TENM2: variants seen among roughly 807,000 people sequenced by gnomAD.
The protein encoded by TENM2 is teneurin transmembrane protein 2.
Under a neutral mutation model 245.2 loss-of-function variants are expected in TENM2, and 52 were observed. The observed-to-expected ratio is 0.21, with a 90% CI of 0.17 to 0.27. The LOEUF (loss-of-function observed/expected upper bound fraction) is 0.27, where lower values mean the gene tolerates loss of function less well. Ranked by LOEUF, TENM2 falls within the 10% of genes least tolerant of loss-of-function variation. The pLI, the probability that TENM2 is intolerant of heterozygous loss-of-function variation, is 1.00. For missense variants in TENM2, 3,046 were observed against 3,666.8 expected (o/e 0.83, Z 4.37); for synonymous variants, 1,363 against 1,438.9 (o/e 0.95, Z 1.19).
At chr5:167,695,845 T>C (rs1166716375) in intron 2 of TENM2, among the ~76,000 whole-genome samples, 2 of 151,568 alleles carry the variant, frequency 1.3e-5, no homozygotes, top group South Asian at 2.1e-4. Flanking sequence ...CCATCCTGGC[T>C]AACATGATGA....
At chr5:167,752,188 G>A (rs933547649) in intron 2 of TENM2, among the ~76,000 whole-genome samples, 11 of 151,654 alleles carry the variant, frequency 7.3e-5, no homozygotes, top group African/African-American at 2.7e-4. Flanking sequence ...TCCACCTCCT[G>A]GGTTCAAGCA....
intron 23 of TENM2, among the ~76,000 whole-genome samples, chr5:168,225,791 G>T (rs1037854826): frequency 1.3e-5 from 2 of 150,178 alleles, no homozygotes; most frequent in Non-Finnish European, 3.0e-5. Flanking sequence ...AAAAGAAACA[G>T]AAAAGTAAGA....
At chr5:168,254,908 A>G (rs1767508548) in intron 27 of TENM2, among the ~76,000 whole-genome samples, 1 of 152,026 alleles carries the variant, frequency 6.6e-6, no homozygotes, top group African/African-American at 2.4e-5. Context: ...TTAGCGGGGC[A>G]TGGTGGTGCG....
chr5:167,442,382 G>C (rs1318998489), intron 2 of TENM2, among the ~76,000 whole-genome samples: 1 of 152,040 alleles, frequency 6.6e-6, no homozygotes, highest in African/African-American at 2.4e-5. Flanking sequence ...GTGTGTGAGT[G>C]GGCTCTCTAA....
intron 2 of TENM2, among the ~76,000 whole-genome samples, chr5:167,870,411 T>C (rs952799296): frequency 3.3e-5 from 5 of 151,964 alleles, no homozygotes; most frequent in African/African-American, 1.2e-4. Flanking sequence ...ATGACTTGGG[T>C]TCAAATCCCA....
the TENM2 span, among the ~76,000 whole-genome samples, chr5:167,212,255 C>T: frequency 0.2 from 30,880 of 152,002 alleles, 3,687 homozygotes; most frequent in African/African-American, 0.33. Flanking sequence ...CAGCCGCCAC[C>T]CCAGGTGAAA....
At position 168,244,776 on chromosome 5, in the gene TENM2, C is replaced by CTT. The variant is rs139210116; in HGVS notation, c.5817+70_5817+71dup. The CTT allele has an allele frequency of 1.8e-4, 191 of 1,080,262 alleles. No individual in the cohort carries two copies. The highest frequency in any genetic ancestry group is 4.4e-4 in the African/African-American group (27 of 61,490). The allele number at this position is 1,080,262 out of a possible 1,614,324, so 66.9% of individuals were successfully genotyped here. On this transcript the variant is annotated intron_variant, in intron 26 of 28. Transcript: ENST00000518659. This position sits in a 1 kb window ranked among gnomAD's most constrained non-coding sequence, Gnocchi z 4.9. ...TCTGTTATTTCTGTTATTCCGGCTT[C>CTT]TTTTTTTTTTTGAGACAGAGACTTG...
At chr5:167,902,033 T>C (rs1775746245) in intron 3 of TENM2, among the ~76,000 whole-genome samples, 1 of 152,182 alleles carries the variant, frequency 6.6e-6, no homozygotes, top group African/African-American at 2.4e-5. Context: ...CTTTGCACAT[T>C]TTATGCAGGC....
At chr5:167,596,532 G>T (rs1776223999) in intron 2 of TENM2, among the ~76,000 whole-genome samples, 1 of 152,128 alleles carries the variant, frequency 6.6e-6, no homozygotes, top group Non-Finnish European at 1.5e-5. Context: ...GGTGGCTCAC[G>T]CCTGTAATCC....
At chr5:167,318,775 G>A (rs757409026) in intron 1 of TENM2, among the ~76,000 whole-genome samples, 1 of 152,168 alleles carries the variant, frequency 6.6e-6, no homozygotes, top group African/African-American at 2.4e-5. Flanking sequence ...AATATCTCAT[G>A]CCCCTCCTGG....
At chr5:167,399,214 T>C (rs532781860) in intron 2 of TENM2, among the ~76,000 whole-genome samples, 1 of 152,276 alleles carries the variant, frequency 6.6e-6, no homozygotes, top group East Asian at 1.9e-4. Context: ...AATTAAGAAG[T>C]CTAATCCAGT....
chr5:167,123,319 C>T, the TENM2 span, among the ~76,000 whole-genome samples: 1 of 152,164 alleles, frequency 6.6e-6, no homozygotes. Context: ...TAGAGCAAGA[C>T]TCTGTCTCAA....
At chr5:168,258,254 C>G (rs933265682) in intron 27 of TENM2, among the ~76,000 whole-genome samples, 6 of 152,100 alleles carry the variant, frequency 3.9e-5, no homozygotes, top group African/African-American at 7.2e-5. Context: ...GTAATCCCAG[C>G]ACTTTGGGAG....
intron 6 of TENM2, among the ~76,000 whole-genome samples, chr5:168,049,891 C>T (rs1275111087): frequency 6.6e-6 from 1 of 152,164 alleles, no homozygotes; most frequent in Non-Finnish European, 1.5e-5. Context: ...CAACCTCCAC[C>T]TCCCCGGTTC....
At chr5:167,454,547 ATG>A (rs1163358694) in intron 2 of TENM2, among the ~76,000 whole-genome samples, 3 of 151,234 alleles carry the variant, frequency 2.0e-5, no homozygotes, top group Non-Finnish European at 4.4e-5. Context: ...ACACATATTT[ATG>A]TGTGTGTCTG....
At chr5:167,932,163 A>G (rs923977432) in intron 3 of TENM2, among the ~76,000 whole-genome samples, 1 of 152,194 alleles carries the variant, frequency 6.6e-6, no homozygotes, top group Non-Finnish European at 1.5e-5. Flanking sequence ...GCTGCTTAGC[A>G]GCACACATCT....
At chr5:167,609,519 C>CAAAAAAAAAAAAAAAAAT (rs1171421408) in intron 2 of TENM2, among the ~76,000 whole-genome samples, 3 of 128,986 alleles carry the variant, frequency 2.3e-5, no homozygotes, top group East Asian at 2.7e-4. Context: ...AAAACAAAAC[C>CAAAAAAAAAAAAAAAAAT]TTACCTAGAA....
chr5:167,804,080 A>G (rs1765973234), intron 2 of TENM2, among the ~76,000 whole-genome samples: 1 of 152,132 alleles, frequency 6.6e-6, no homozygotes, highest in South Asian at 2.1e-4. Context: ...TAATGGGTGT[A>G]ATGCAAATAC....
intron 2 of TENM2, among the ~76,000 whole-genome samples, chr5:167,435,121 A>C (rs2127449581): frequency 6.6e-6 from 1 of 152,048 alleles, no homozygotes; most frequent in South Asian, 2.1e-4. Flanking sequence ...AAGCAGAGTC[A>C]TTTTCTATTG....
Sources: gnomAD v4.1 joint callset for allele counts (sites outside exome capture counted in the v4.1 genomes callset) on GRCh38, gnomAD v4.1.1 for gene constraint, Gnocchi (gnomAD v3.1) non-coding constraint, MANE v1.5 for transcripts, NCBI Gene and HGNC (gene_info 2026-07-23, HGNC 2026-07-21) for gene names.